The following LRP8 variants were observed in gnomAD, a reference collection of about 807,000 sequenced individuals.
LRP8 encodes the protein low-density lipoprotein receptor-related protein 8.
In LRP8, 46 loss-of-function variants were observed where a neutral mutation model predicts 111.6. That is an observed-to-expected ratio of 0.41 (90% CI 0.33 to 0.53). The LOEUF is 0.53. LRP8 is among the 20% of genes least tolerant of loss of function. The probability of loss-of-function intolerance (pLI) is 0.20; values close to 1 mark genes in which losing one functional copy is unlikely to be tolerated. For synonymous variants in LRP8, 464 were observed against 511.2 expected, an observed-to-expected ratio of 0.91 and a Z score of 1.24; for missense variants, 959 against 1,297.4, an observed-to-expected ratio of 0.74 and a Z score of 4.01.
intron 2 of LRP8, among the ~76,000 whole-genome samples, chr1:53,312,434 A>G (rs1377452246): frequency 2.0e-5 from 3 of 152,150 alleles, no homozygotes; most frequent in African/African-American, 4.8e-5. Context: ...GCATGACTAT[A>G]GCCCACTGCA....
rs1360837775 is a variant in LRP8, at chr1:53,327,875, G to T, written c.38C>A (p.Ala13Glu). Residue 13 changes from alanine to glutamate, a missense_variant, in exon 1 of 19, where the codon GCG (alanine) becomes GAG (glutamate). Coordinates refer to ENST00000306052, the MANE Select transcript of LRP8 (RefSeq NM_004631.5). ...CAGCAGCAGCAGCAGCAGCAGCAGC[G>T]CCAGAAGCCGGAGAGGGCCCGGCTC... Reference protein sequence around the residue: ...LPEPGPLRLLALLLLLLLLLL... With the variant: ...LPEPGPLRLLELLLLLLLLLL... The T allele has an allele frequency of 1.3e-6, 2 of 1,499,564 alleles. No individual in the cohort carries two copies. The highest frequency in any genetic ancestry group is 5.4e-5 in the East Asian group (2 of 36,730). The allele number at this position is 1,499,564 out of a possible 1,614,324, so 92.9% of individuals were successfully genotyped here.
Position 53,249,922 on chromosome 1 carries a change from A to AATCAG in LRP8, c.2677-371_2677-367dup, listed in dbSNP as rs1216743683. On this transcript the variant is annotated intron_variant, in intron 17 of 18. Coordinates refer to ENST00000306052, the MANE Select transcript of LRP8 (RefSeq NM_004631.5). The surrounding 1 kb of genome is among the most constrained non-coding windows in gnomAD (Gnocchi z 4.1). ...GTGCTAGGCATCAGGAAAACAGATTAATCAGACAGTTCTGCCCTCAAGGAT... is the reference window on the plus strand; with the variant it reads ...GTGCTAGGCATCAGGAAAACAGATTAATCAGATCAGACAGTTCTGCCCTCAAGGAT... Among the ~76,000 whole-genome samples, 2 of 152,216 alleles carry AATCAG rather than the reference A, an allele frequency of 1.3e-5. No homozygotes were observed. The highest frequency in any genetic ancestry group is 2.9e-5 in the Non-Finnish European group (2 of 68,030).
intron 3 of LRP8, among the ~76,000 whole-genome samples, chr1:53,286,869 A>G (rs1379423899): frequency 6.6e-6 from 1 of 152,244 alleles, no homozygotes; most frequent in Non-Finnish European, 1.5e-5. Context: ...TAATAATACA[A>G]ATAACACTGC....
Position 53,293,142 on chromosome 1 carries a change from A to C in LRP8, c.245-3453T>G, listed in dbSNP as rs866516388. ...GGCACAGGACAACCAGATACCCCCC[A>C]AAAACCCTGCCCTCCCTGGGATTCT... On this transcript the variant is annotated intron_variant, in intron 2 of 18. Transcript: ENST00000306052. The surrounding 1 kb of genome is among the most constrained non-coding windows in gnomAD (Gnocchi z 4.9). Among the ~76,000 whole-genome samples the C allele has an allele frequency of 1.3e-5, 2 of 152,196 alleles. No individual in the cohort carries two copies. Among genetic ancestry groups the C allele is most frequent in the African/African-American group, 2.4e-5 (1 of 41,454 alleles).
intron 18 of LRP8, 35 bp from the exon 19 acceptor site, chr1:53,247,091 C>A (rs1029484757): frequency 9.8e-6 from 15 of 1,537,258 alleles, no homozygotes; most frequent in Non-Finnish European, 1.3e-5. Context: ...ATCATTAGAT[C>A]CATAAGAGTT....
intron 2 of LRP8, among the ~76,000 whole-genome samples, chr1:53,308,852 A>G (rs1369197017): frequency 6.6e-6 from 1 of 152,184 alleles, no homozygotes; most frequent in East Asian, 1.9e-4. Flanking sequence ...TTGGAGTGCA[A>G]GAGACCCGCT....
At chr1:53,302,903 C>T (rs1226580912) in intron 2 of LRP8, among the ~76,000 whole-genome samples, 1 of 136,954 alleles carries the variant, frequency 7.3e-6, no homozygotes, top group Non-Finnish European at 1.5e-5. Flanking sequence ...TTTCATCATG[C>T]TGCCCAGGCG....
At position 53,276,692 on chromosome 1, in the gene LRP8, G is replaced by C; in HGVS notation, c.883C>G (p.Pro295Ala). 1 of 1,540,140 alleles carries C rather than the reference G, an allele frequency of 6.5e-7. No homozygotes were observed. The highest frequency in any genetic ancestry group is 8.7e-7 in the Non-Finnish European group (1 of 1,147,274). Reference sequence around the variant, plus strand: ...GCTGGGCGGTATGGAGGGGGCTTACGGCAGTCGGCCTCGTCCGATTTGTCT... The same window carrying C: ...GCTGGGCGGTATGGAGGGGGCTTACCGCAGTCGGCCTCGTCCGATTTGTCT... ...CKDKSDEADC[P>A]LGTCRGDEFQ... The change falls in exon 5 of 19, where the codon CCA becomes GCA. Residue 295 changes from proline to alanine, a missense_variant and splice_region_variant. Physicochemically the swap from Pro to Ala is conservative, Grantham distance 27 (BLOSUM62 -1). This residue lies in a region of LRP8 where 819 missense variants were observed against 1,097.6 expected (regional missense o/e 0.75). Transcript: ENST00000306052.
chr1:53,291,837 CCTGTGGCCTGTATTTTGATGACCT>C (rs1440775673), intron 2 of LRP8: 1 of 152,186 alleles, frequency 6.6e-6, no homozygotes, highest in Non-Finnish European at 1.5e-5. Context: ...ACAGGCCAGG[CCTGTGGCCTGTATTTTGATGACCT>C]CTGCTCTAGA....
intron 2 of LRP8, among the ~76,000 whole-genome samples, chr1:53,302,516 C>CCCAT (rs1189554573): frequency 1.3e-5 from 2 of 152,142 alleles, no homozygotes; most frequent in African/African-American, 4.8e-5. Flanking sequence ...CTAACCAAGA[C>CCCAT]CCATCTCCTT....
intron 2 of LRP8, among the ~76,000 whole-genome samples, chr1:53,319,688 G>A (rs921462231): frequency 2.0e-5 from 3 of 152,206 alleles, no homozygotes; most frequent in African/African-American, 4.8e-5. Flanking sequence ...CTCCGGCTGC[G>A]GGGTGATTAC....
chr1:53,289,780 A>G lies in LRP8; in HGVS notation c.245-91T>C, dbSNP rs922254211. The G allele has an allele frequency of 3.2e-6, 5 of 1,541,350 alleles. No homozygotes were observed. In the African/African-American group the frequency reaches 5.4e-5, roughly 17 times the overall value. ...ATGTGCTTGGTCTGCAAACCAGGCC[A>G]TGGACTGCCTTGCTGACCAAGGGCA... On this transcript the variant is annotated intron_variant, in intron 2 of 18. Coordinates refer to ENST00000306052, the MANE Select transcript of LRP8 (RefSeq NM_004631.5).
intron 2 of LRP8, among the ~76,000 whole-genome samples, chr1:53,307,795 C>A (rs1435929306): frequency 6.6e-6 from 1 of 152,232 alleles, no homozygotes; most frequent in African/African-American, 2.4e-5. Flanking sequence ...ATTCTAGGTA[C>A]CCAAAGCCTG....
chr1:53,319,932 G>A (rs777612186), intron 2 of LRP8, among the ~76,000 whole-genome samples: 4 of 152,258 alleles, frequency 2.6e-5, no homozygotes, highest in Non-Finnish European at 5.9e-5. Flanking sequence ...ACTGGGATGT[G>A]TGAATGCATA....
rs769216871 is a variant in LRP8 at position 53,289,560 on chromosome 1, G to T, written c.367+7C>A. The T allele has an allele frequency of 1.9e-6, 3 of 1,595,630 alleles. No individual in the cohort carries two copies. Among genetic ancestry groups the T allele is most frequent in the South Asian group, 1.1e-5 (1 of 88,144 alleles). On this transcript the variant is annotated splice_region_variant and intron_variant, in intron 3 of 18. Coordinates refer to ENST00000306052, the MANE Select transcript of LRP8 (RefSeq NM_004631.5). ...CACCCCCACCCAGACTGAGGGGCAG[G>T]ACTCACTGCAAGTGGCCTCGGACTC...
chr1:53,327,208 A>T, intron 1 of LRP8: 1 of 607,272 alleles, frequency 1.6e-6, no homozygotes, highest in Non-Finnish European at 2.9e-6. Flanking sequence ...CCAGGCACCT[A>T]CTTAAAGTGT....
chr1:53,307,666 C>T (rs957929823), intron 2 of LRP8, among the ~76,000 whole-genome samples: 13 of 152,244 alleles, frequency 8.5e-5, no homozygotes, highest in African/African-American at 3.1e-4. Context: ...CAGTTGGCTT[C>T]ATATGATGCT....
intron 14 of LRP8, among the ~76,000 whole-genome samples, chr1:53,257,853 GA>G (rs772768625): frequency 1.3e-5 from 2 of 152,328 alleles, no homozygotes; most frequent in East Asian, 1.9e-4. Flanking sequence ...AGGCTCAAAT[GA>G]AAGGCCTTGG....
At chr1:53,320,756 A>G (rs1208981919) in intron 2 of LRP8, among the ~76,000 whole-genome samples, 1 of 152,202 alleles carries the variant, frequency 6.6e-6, no homozygotes, top group African/African-American at 2.4e-5. Context: ...CAGGTCAGAA[A>G]CTGGTAGCTC....
Sources: allele counts gnomAD v4.1 joint callset (sites outside exome capture counted in the v4.1 genomes callset), GRCh38; gene constraint gnomAD v4.1.1; regional missense constraint gnomAD v4.1.1; non-coding constraint Gnocchi (gnomAD v3.1); transcripts MANE v1.5; gene names NCBI Gene and HGNC (gene_info 2026-07-23, HGNC 2026-07-21).